The following CATSPERD variants were observed in gnomAD, a reference collection of about 807,000 sequenced individuals.
CATSPERD encodes the protein cation channel sperm-associated auxiliary subunit delta.
CATSPERD carries 86 observed loss-of-function variants against 98.1 expected under a neutral mutation model. The observed-to-expected ratio is 0.88, with a 90% CI of 0.74 to 1.05. CATSPERD has a LOEUF of 1.05. CATSPERD is among the 50% of genes least tolerant of loss of function. CATSPERD has a pLI of 0.00. For synonymous variants in CATSPERD, 394 were observed against 390.2 expected (o/e 1.01, Z -0.12); for missense variants, 995 against 1,005.7 (o/e 0.99, Z 0.14).
chr19:5,726,038 G>A (rs1210721213), intron 2 of CATSPERD, among the ~76,000 whole-genome samples: 2 of 151,682 alleles, frequency 1.3e-5, no homozygotes, highest in Non-Finnish European at 2.9e-5. Flanking sequence ...TATGAGATGT[G>A]ATATGAATAA....
chr19:5,767,405 T>A (rs2056560644), intron 17 of CATSPERD, among the ~76,000 whole-genome samples: 1 of 143,934 alleles, frequency 6.9e-6, no homozygotes, highest in African/African-American at 2.6e-5. Context: ...AGAGCTGGGG[T>A]CTCTCAGGTT....
chr19:5,723,661 T>C (rs1224874273), intron 1 of CATSPERD, among the ~76,000 whole-genome samples: 6 of 151,738 alleles, frequency 4.0e-5, no homozygotes, highest in Non-Finnish European at 5.9e-5. Context: ...AGACGGGGTT[T>C]CACCGTGTTA....
chr19:5,743,235 G>A (rs1316148488), intron 7 of CATSPERD, among the ~76,000 whole-genome samples: 2 of 152,018 alleles, frequency 1.3e-5, no homozygotes, highest in African/African-American at 2.4e-5. Flanking sequence ...CCCAGGAGGC[G>A]GAGGTTGCAG....
In CATSPERD at chr19:5,746,079, C is replaced by G. The variant is rs2145757077; in HGVS notation, c.808+16C>G. ...CATAATGCAGGTGAGCCCAGGGGCC[C>G]AGGGTGGGGCTGCCGCCTGGTGGCC... is the stretch of plus-strand genomic sequence containing the variant. On this transcript the variant is annotated intron_variant, in intron 9 of 21. Coordinates refer to ENST00000381624, the MANE Select transcript of CATSPERD (RefSeq NM_152784.4). 6.2e-7 allele frequency: 1 copy of G among 1,611,486 alleles called. No individual in the cohort carries two copies. The highest frequency in any genetic ancestry group is 2.2e-5 in the East Asian group (1 of 44,614).
intron 1 of CATSPERD, among the ~76,000 whole-genome samples, chr19:5,721,094 A>G (rs1166810059): frequency 2.0e-5 from 3 of 146,948 alleles, no homozygotes; most frequent in South Asian, 4.3e-4. Context: ...CGCCTCCCGG[A>G]TTCACGCCAT....
At chr19:5,736,709 C>G (rs995279713) in intron 5 of CATSPERD, among the ~76,000 whole-genome samples, 1 of 151,344 alleles carries the variant, frequency 6.6e-6, no homozygotes, top group Non-Finnish European at 1.5e-5. Context: ...CACTGGCACT[C>G]CAGCCTGGAT....
Position 5,768,260 on chromosome 19 carries a change from C to A in CATSPERD, c.1634+18C>A, listed in dbSNP as rs748756950. Reference sequence around the variant, plus strand: ...ATCGAGAAGTAAGCCAGCGTCCCCCCGCAACACCTGACACCCAAGGCGACC... The same window carrying A: ...ATCGAGAAGTAAGCCAGCGTCCCCCAGCAACACCTGACACCCAAGGCGACC... On this transcript the variant is annotated intron_variant, in intron 18 of 21. Transcript: ENST00000381624. 3.1e-6 allele frequency: 5 copies of A among 1,608,046 alleles called. No homozygotes were observed. The highest frequency in any genetic ancestry group is 1.7e-5 in the Admixed American group (1 of 59,922).
At chr19:5,726,872 C>T (rs966670825) in intron 2 of CATSPERD, among the ~76,000 whole-genome samples, 8 of 152,076 alleles carry the variant, frequency 5.3e-5, no homozygotes, top group African/African-American at 1.9e-4. Flanking sequence ...TCAGATTTCA[C>T]CCTTTATGTT....
At chr19:5,747,861 C>T (rs1402994523) in intron 9 of CATSPERD, among the ~76,000 whole-genome samples, 2 of 152,142 alleles carry the variant, frequency 1.3e-5, no homozygotes, top group Non-Finnish European at 2.9e-5. Flanking sequence ...ATCTGCCCAC[C>T]TCAGCCTCCC....
At position 5,754,629 on chromosome 19, in the gene CATSPERD, C is replaced by G. The variant is rs144350061; in HGVS notation, c.1278+384C>G. On this transcript the variant is annotated intron_variant, in intron 13 of 21. Transcript: ENST00000381624. ...GTCAGGCTGGTCTTGAACTCCTGGT[C>G]TCAAGTGATCTGCTCACCTCGGACT... 6.3e-3 allele frequency among the ~76,000 whole-genome samples: 957 copies of G among 152,052 alleles called. 15 individuals carry two copies. Among genetic ancestry groups the G allele is most frequent in the African/African-American group, 0.022 (924 of 41,514 alleles).
intron 7 of CATSPERD, among the ~76,000 whole-genome samples, chr19:5,743,755 T>A (rs2056043169): frequency 6.6e-6 from 1 of 151,364 alleles, no homozygotes; most frequent in African/African-American, 2.4e-5. Flanking sequence ...GGTAGCCAGC[T>A]GGGCTGCTAT....
chr19:5,778,030 A>G (rs1343265346), intron 21 of CATSPERD, among the ~76,000 whole-genome samples: 1 of 151,426 alleles, frequency 6.6e-6, no homozygotes, highest in Non-Finnish European at 1.5e-5. Context: ...CCGAGGTGAA[A>G]CCCCATCTCT....
chr19:5,741,794 G>C lies in CATSPERD; in HGVS notation c.573+2355G>C, dbSNP rs1488972459. Among the ~76,000 whole-genome samples the C allele has an allele frequency of 3.2e-5, 3 of 93,496 alleles. 1 individual carries two copies. The highest frequency in any genetic ancestry group is 1.1e-4 in the African/African-American group (3 of 26,496). 61.3% of individuals were successfully genotyped at this position (93,496 alleles called of 152,430 possible). A position where few individuals can be genotyped will look rare whatever the true frequency, so the allele number is the denominator to read the frequency against. The stretch of plus-strand genomic sequence containing the variant: ...TTTGGGATGCTGAAGGCGGGGGGGG[G>C]GGGGTGGTGTGGATCACTTGAGGTC... On this transcript the variant is annotated intron_variant, in intron 7 of 21. Transcript: ENST00000381624.
chr19:5,773,195 T>C (rs1275728537), intron 20 of CATSPERD, among the ~76,000 whole-genome samples: 1 of 152,054 alleles, frequency 6.6e-6, no homozygotes, highest in Non-Finnish European at 1.5e-5. Context: ...CTACTAAAAA[T>C]ACAAAAATCA....
chr19:5,735,694 C>T (rs1384369562), intron 5 of CATSPERD, among the ~76,000 whole-genome samples: 3 of 151,604 alleles, frequency 2.0e-5, no homozygotes, highest in South Asian at 2.1e-4. Context: ...AGGATGATCT[C>T]GATCTATTTA....
chr19:5,766,289 G>GGAA, intron 17 of CATSPERD, 134 bp downstream of exon 17: 1 of 241,616 alleles, frequency 4.1e-6, no homozygotes, highest in Non-Finnish European at 7.6e-6. Flanking sequence ...CGTCTCTACT[G>GGAA]AAAAAAAAAA....
Position 5,733,981 on chromosome 19 carries a change from T to C in CATSPERD, c.391+11T>C, listed in dbSNP as rs1366542656. The C allele has an allele frequency of 6.5e-7, 1 of 1,537,966 alleles. No individual in the cohort carries two copies. The highest frequency in any genetic ancestry group is 2.2e-5 in the East Asian group (1 of 44,460). Reference sequence around the variant, plus strand: ...GGAGCATGTCTTTAGGTATGTACATTTTGTATTTTTAAATTTTGTTTGAGT... The same window carrying C: ...GGAGCATGTCTTTAGGTATGTACATCTTGTATTTTTAAATTTTGTTTGAGT... On this transcript the variant is annotated intron_variant, in intron 5 of 21. Transcript: ENST00000381624.
At position 5,778,720 on chromosome 19, in the gene CATSPERD, T is replaced by C. The variant is rs371205016; in HGVS notation, c.*44T>C. The stretch of plus-strand genomic sequence containing the variant: ...CAACCCCTTGTCTTCAAATAAAGTA[T>C]AATGTAACATAGCAGGAAGCAGTAT... On this transcript the variant is annotated 3_prime_UTR_variant, in exon 22 of 22. Coordinates refer to ENST00000381624, the MANE Select transcript of CATSPERD (RefSeq NM_152784.4). The C allele has an allele frequency of 2.8e-4, 430 of 1,543,322 alleles. No individual in the cohort carries two copies. The highest frequency in any genetic ancestry group is 1.3e-3 in the Middle Eastern group (7 of 5,238).
rs544256757 is a variant in CATSPERD at position 5,765,046 on chromosome 19, G to A, written c.1507-1057G>A. On this transcript the variant is annotated intron_variant, in intron 16 of 21. Transcript: ENST00000381624. ...CTGCCTCAGCCTCTCAAGTAGCTGG[G>A]ATTACAGGCGTGCACCACCACACCT... Among the ~76,000 whole-genome samples, 4 of 152,098 alleles carry A rather than the reference G, an allele frequency of 2.6e-5. No individual in the cohort carries two copies. In the East Asian group the frequency reaches 7.7e-4, roughly 29 times the overall value.
Sources: allele counts gnomAD v4.1 joint callset (sites outside exome capture counted in the v4.1 genomes callset), GRCh38; gene constraint gnomAD v4.1.1; transcripts MANE v1.5; gene names NCBI Gene and HGNC (gene_info 2026-07-23, HGNC 2026-07-21).